Variants in ANKS1A observed in about 807,000 individuals in gnomAD.
ANKS1A encodes the protein ankyrin repeat and sterile alpha motif domain containing 1A, also known as ankyrin repeat and SAM domain-containing protein 1A.
A neutral mutation model predicts 120.3 loss-of-function variants in ANKS1A; 55 were observed. The observed-to-expected ratio is 0.46, with a 90% CI of 0.37 to 0.57. ANKS1A has a LOEUF of 0.57. ANKS1A is among the 20% of genes least tolerant of loss of function. The pLI, the probability that ANKS1A is intolerant of heterozygous loss-of-function variation, is 0.00. For missense variants in ANKS1A, 1,123 were observed against 1,480.3 expected (o/e 0.76, Z 3.96); for synonymous variants, 590 against 604.7 (o/e 0.98, Z 0.36).
intron 1 of ANKS1A, among the ~76,000 whole-genome samples, chr6:34,913,139 T>C (rs1767984341): frequency 6.6e-6 from 1 of 152,232 alleles, no homozygotes; most frequent in African/African-American, 2.4e-5. Context: ...TTTACCTCTT[T>C]AATCTCAGGT....
intron 1 of ANKS1A, among the ~76,000 whole-genome samples, chr6:34,920,877 TC>T (rs1481569006): frequency 6.6e-6 from 1 of 152,200 alleles, no homozygotes; most frequent in Non-Finnish European, 1.5e-5. Context: ...AAAGCTGCTG[TC>T]CCAGGGCCTT....
At position 34,985,128 on chromosome 6, in the gene ANKS1A, A is replaced by C; in HGVS notation, c.1059A>C (p.Ala353=). The change falls in exon 8 of 24, where the codon GCA becomes GCC. Residue 353 remains alanine (A), a synonymous_variant. Transcript: ENST00000360359. ...CTGAACTGATTATAGATTTTGATGC[A>C]AATGCTGAAGAAGAGGGTCCCTACG... ...AVTELIIDFD[A]NAEEEGPYEA... 1 of 1,614,160 alleles carries C rather than the reference A, an allele frequency of 6.2e-7. No homozygotes were observed.
rs1331285960 is a variant in ANKS1A, at chr6:34,982,258, G to A, written c.732+272G>A. ...TGGACTGGCTCTCAAAACCAGAAAA[G>A]TTTCATTATCTTCCTATCCATGTGT... On this transcript the variant is annotated intron_variant, in intron 4 of 23. Coordinates refer to ENST00000360359, the MANE Select transcript of ANKS1A (RefSeq NM_015245.3). The surrounding 1 kb of genome is among the most constrained non-coding windows in gnomAD (Gnocchi z 4.9). Among the ~76,000 whole-genome samples the A allele has an allele frequency of 6.6e-6, 1 of 152,146 alleles. No homozygotes were observed. Among genetic ancestry groups the A allele is most frequent in the African/African-American group, 2.4e-5 (1 of 41,426 alleles).
At chr6:34,943,800 T>C (rs76302278) in intron 1 of ANKS1A, among the ~76,000 whole-genome samples, 5,968 of 152,304 alleles carry the variant, frequency 0.039, 184 homozygotes, top group African/African-American at 0.092. Flanking sequence ...GCCCATTGTA[T>C]GAAGGACATC....
intron 11 of ANKS1A, chr6:35,023,684 A>T (rs1774466790): frequency 2.4e-6 from 1 of 412,666 alleles, no homozygotes; most frequent in Admixed American, 2.8e-5. Context: ...GCTCTAAAGG[A>T]AAGGGTAGAG....
rs1324965587 is a variant in ANKS1A at position 35,054,111 on chromosome 6, A to G, written c.2023A>G (p.Met675Val). Residue 675 changes from methionine to valine, a missense_variant, in exon 12 of 24, where the codon ATG becomes GTG. Met to Val is a conservative substitution (Grantham distance 21). Coordinates refer to ENST00000360359, the MANE Select transcript of ANKS1A (RefSeq NM_015245.3). Reference sequence around the variant, plus strand: ...TCTTCCATTTCAGATTGAGAAAATCATGAGTTCTATTGGAGAAGGGATTGA... The same window carrying G: ...TCTTCCATTTCAGATTGAGAAAATCGTGAGTTCTATTGGAGAAGGGATTGA... ...ASEWDEIEKIMSSIGEGIDFS... is the reference protein window; with the variant it reads ...ASEWDEIEKIVSSIGEGIDFS... 1.9e-6 allele frequency: 3 copies of G among 1,613,940 alleles called. No homozygotes were observed. The highest frequency in any genetic ancestry group is 2.7e-5 in the African/African-American group (2 of 75,046).
intron 1 of ANKS1A, among the ~76,000 whole-genome samples, chr6:34,916,085 C>T (rs569231488): frequency 2.6e-5 from 4 of 151,312 alleles, no homozygotes; most frequent in South Asian, 2.1e-4. Flanking sequence ...CTCCACCTCC[C>T]GGGTACAAGC....
chr6:35,091,573 C>T (rs568010665), downstream of ANKS1A, among the ~76,000 whole-genome samples: 1 of 149,216 alleles, frequency 6.7e-6, no homozygotes, highest in East Asian at 1.9e-4. Flanking sequence ...CACTCTCTAA[C>T]AAACAGTTAG....
At chr6:34,996,689 TCTCGATCTCTTGACCTCG>T (rs1265237869) in intron 10 of ANKS1A, among the ~76,000 whole-genome samples, 2 of 152,216 alleles carry the variant, frequency 1.3e-5, no homozygotes, top group Admixed American at 6.5e-5. Flanking sequence ...GCCAGGATGG[TCTCGATCTCTTGACCTCG>T]TGATCCACCT....
Position 35,017,998 on chromosome 6 carries a change from A to G in ANKS1A, c.1949A>G (p.Asn650Ser), listed in dbSNP as rs1774135531. 4 of 1,614,048 alleles carry G rather than the reference A, an allele frequency of 2.5e-6. No individual in the cohort carries two copies. The highest frequency in any genetic ancestry group is 3.4e-6 in the Non-Finnish European group (4 of 1,180,000). ...TMGSRSESLS[N>S]CSIGKKRLEK... ...GGGAGTCGGAGTGAGTCCTTATCCAACTGCAGCATTGGGAAGAAAAGGCTA... is the reference window on the plus strand; with the variant it reads ...GGGAGTCGGAGTGAGTCCTTATCCAGCTGCAGCATTGGGAAGAAAAGGCTA... The change falls in exon 11 of 24, where the codon AAC becomes AGC. Residue 650 changes from asparagine (N) to serine (S), a missense_variant. This residue lies in a region of ANKS1A where 904 missense variants were observed against 1,130.4 expected (regional missense o/e 0.80). Coordinates refer to ENST00000360359, the MANE Select transcript of ANKS1A (RefSeq NM_015245.3).
chr6:34,997,106 CT>C (rs1772896074), intron 10 of ANKS1A, among the ~76,000 whole-genome samples: 1 of 151,906 alleles, frequency 6.6e-6, no homozygotes, highest in Non-Finnish European at 1.5e-5. Context: ...ACAAAAAGTC[CT>C]GTTGGGATTT....
chr6:34,912,422 A>G (rs1009474951), intron 1 of ANKS1A, among the ~76,000 whole-genome samples: 2 of 152,142 alleles, frequency 1.3e-5, no homozygotes, highest in Non-Finnish European at 2.9e-5. Flanking sequence ...CCTCGGCTCT[A>G]TTCTCTCTCA....
At chr6:34,978,894 T>G (rs1165492117) in intron 3 of ANKS1A, among the ~76,000 whole-genome samples, 7 of 151,978 alleles carry the variant, frequency 4.6e-5, no homozygotes, top group Admixed American at 3.9e-4. Context: ...CTACTAGTTT[T>G]TTTGTTTGTT....
At chr6:34,968,087 C>G (rs575431702) in intron 2 of ANKS1A, among the ~76,000 whole-genome samples, 115 of 152,154 alleles carry the variant, frequency 7.6e-4, no homozygotes, top group Non-Finnish European at 1.3e-3. Flanking sequence ...CCATTCTTTC[C>G]TCATAAAATT....
intron 11 of ANKS1A, among the ~76,000 whole-genome samples, chr6:35,048,393 T>C (rs1273117140): frequency 6.6e-6 from 1 of 152,112 alleles, no homozygotes; most frequent in Non-Finnish European, 1.5e-5. Context: ...TTAGCCGCCA[T>C]GTCTGGTCGC....
chr6:34,932,911 A>G (rs1208335466), intron 1 of ANKS1A, among the ~76,000 whole-genome samples: 2 of 152,180 alleles, frequency 1.3e-5, no homozygotes, highest in African/African-American at 2.4e-5. Flanking sequence ...AGGACCTGCT[A>G]TATTGTTTTT....
At chr6:34,932,634 C>T (rs1769045368) in intron 1 of ANKS1A, among the ~76,000 whole-genome samples, 1 of 152,252 alleles carries the variant, frequency 6.6e-6, no homozygotes, top group South Asian at 2.1e-4. Context: ...ATCTATCCGT[C>T]TCAACCTCCC....
intron 13 of ANKS1A, among the ~76,000 whole-genome samples, chr6:35,072,844 G>A (rs1254580766): frequency 6.6e-6 from 1 of 152,170 alleles, no homozygotes; most frequent in African/African-American, 2.4e-5. Context: ...CAGGACGGGT[G>A]TCCTGCTCCT....
chr6:34,931,165 G>A (rs1049246747), intron 1 of ANKS1A, among the ~76,000 whole-genome samples: 95 of 123,674 alleles, frequency 7.7e-4, no homozygotes, highest in African/African-American at 3.0e-3. Context: ...TTTTTTTTTT[G>A]AGAAAGTGTT....
Sources: gnomAD v4.1 joint callset for allele counts (sites outside exome capture counted in the v4.1 genomes callset) on GRCh38, gnomAD v4.1.1 for gene constraint, gnomAD v4.1.1 regional missense constraint, Gnocchi (gnomAD v3.1) non-coding constraint, MANE v1.5 for transcripts, NCBI Gene and HGNC (gene_info 2026-07-23, HGNC 2026-07-21) for gene names.